The following CAMTA1 variants were observed in gnomAD, a reference collection of about 807,000 sequenced individuals.
CAMTA1 encodes the protein calmodulin-binding transcription activator 1.
In CAMTA1, 27 loss-of-function variants were observed where a neutral mutation model predicts 170.9. The observed-to-expected ratio is 0.16, with a 90% CI of 0.12 to 0.22. The LOEUF is 0.22. Ranked by LOEUF, CAMTA1 falls within the 10% of genes least tolerant of loss-of-function variation. CAMTA1 has a pLI of 1.00. For synonymous variants in CAMTA1, 833 were observed against 891.5 expected, an observed-to-expected ratio of 0.93 and a Z score of 1.17; for missense variants, 1,619 against 2,217.2, an observed-to-expected ratio of 0.73 and a Z score of 5.42.
intron 4 of CAMTA1, among the ~76,000 whole-genome samples, chr1:7,215,934 T>G (rs1324060320): frequency 6.6e-6 from 1 of 152,164 alleles, no homozygotes; most frequent in African/African-American, 2.4e-5. Flanking sequence ...AATAGGTAAT[T>G]CAAGGAAAAA....
rs1673519765 is a variant in CAMTA1 at position 7,293,829 on chromosome 1, C to G, written c.438+44203C>G. 6.6e-6 allele frequency among the ~76,000 whole-genome samples: 1 copy of G among 152,254 alleles called. No individual in the cohort carries two copies. On this transcript the variant is annotated intron_variant, in intron 5 of 22. Transcript: ENST00000303635. This position sits in a 1 kb window ranked among gnomAD's most constrained non-coding sequence, Gnocchi z 4.1. ...GCTCTCCCGTGCCCCTCGCTTTTCT[C>G]TGAAAACTCGGCATGCCCCGGGGGG...
chr1:7,350,341 T>C (rs2084566678), intron 5 of CAMTA1, among the ~76,000 whole-genome samples: 1 of 152,184 alleles, frequency 6.6e-6, no homozygotes, highest in African/African-American at 2.4e-5. Flanking sequence ...CCTGCCCCTA[T>C]ACCCGCCAGG....
At chr1:6,861,044 A>G (rs1664492317) in intron 3 of CAMTA1, among the ~76,000 whole-genome samples, 1 of 149,386 alleles carries the variant, frequency 6.7e-6, no homozygotes, top group African/African-American at 2.5e-5. Context: ...AACTCACTGC[A>G]ACCTCCACCT....
Position 7,187,203 on chromosome 1 carries a change from C to T in CAMTA1, c.303-62288C>T, listed in dbSNP as rs535827014. 5.9e-5 allele frequency among the ~76,000 whole-genome samples: 9 copies of T among 152,202 alleles called. No homozygotes were observed. The East Asian group carries it at 7.7e-4, about 13-fold the overall frequency. ...CCAGGTTTGCAGAGAGGAATATGGG[C>T]TCAGGAAGCAGTCCCAGACTCAAGA... On this transcript the variant is annotated intron_variant, in intron 4 of 22. Coordinates refer to ENST00000303635, the MANE Select transcript of CAMTA1 (RefSeq NM_015215.4).
intron 5 of CAMTA1, among the ~76,000 whole-genome samples, chr1:7,329,882 G>A (rs115884915): frequency 8.5e-5 from 13 of 152,080 alleles, no homozygotes; most frequent in Admixed American, 5.2e-4. Flanking sequence ...ATGAAAATAC[G>A]CAACTGGCAA....
intron 6 of CAMTA1, among the ~76,000 whole-genome samples, chr1:7,485,952 G>A (rs1367350814): frequency 6.6e-6 from 1 of 152,238 alleles, no homozygotes; most frequent in African/African-American, 2.4e-5. Context: ...GTTGGTGTCT[G>A]ATCAGAGAGT....
intron 11 of CAMTA1, among the ~76,000 whole-genome samples, chr1:7,710,780 G>A (rs2149658135): frequency 6.6e-6 from 1 of 151,842 alleles, no homozygotes; most frequent in South Asian, 2.1e-4. Context: ...TCCCCAATAT[G>A]GCAGCAGCAA....
intron 3 of CAMTA1, among the ~76,000 whole-genome samples, chr1:6,933,315 A>G (rs554435186): frequency 7.2e-5 from 11 of 152,066 alleles, no homozygotes; most frequent in African/African-American, 2.7e-4. Flanking sequence ...TCTGGAGTAT[A>G]GTGGCATGAT....
At chr1:7,726,154 G>A (rs1558228751) in intron 11 of CAMTA1, among the ~76,000 whole-genome samples, 1 of 152,226 alleles carries the variant, frequency 6.6e-6, no homozygotes, top group African/African-American at 2.4e-5. Context: ...TTAAGAGTTG[G>A]GGAACCTCAG....
chr1:7,366,374 C>A (rs1430144373), intron 5 of CAMTA1, among the ~76,000 whole-genome samples: 1 of 152,192 alleles, frequency 6.6e-6, no homozygotes, highest in Non-Finnish European at 1.5e-5. Flanking sequence ...GAGGTGACCC[C>A]CTTCTCTCCA....
intron 6 of CAMTA1, among the ~76,000 whole-genome samples, chr1:7,536,636 C>T (rs1557878786): frequency 1.3e-5 from 2 of 152,244 alleles, no homozygotes; most frequent in South Asian, 4.1e-4. Flanking sequence ...GGGGCTGGGA[C>T]ACCGGCCCCT....
intron 11 of CAMTA1, among the ~76,000 whole-genome samples, chr1:7,713,682 T>C (rs1397264391): frequency 6.6e-6 from 1 of 152,228 alleles, no homozygotes; most frequent in East Asian, 1.9e-4. Flanking sequence ...CTTCAGCAGA[T>C]AGACCATCCT....
intron 3 of CAMTA1, among the ~76,000 whole-genome samples, chr1:6,975,811 C>T (rs541916839): frequency 6.6e-6 from 1 of 152,310 alleles, no homozygotes; most frequent in East Asian, 1.9e-4. Context: ...CCCCAAGCCC[C>T]CAACTTCCTC....
At chr1:7,057,342 C>T (rs745412783) in intron 3 of CAMTA1, among the ~76,000 whole-genome samples, 6 of 152,170 alleles carry the variant, frequency 3.9e-5, no homozygotes, top group Non-Finnish European at 5.9e-5. Flanking sequence ...GCACCTGCGT[C>T]GCAGCCAGAA....
At chr1:7,431,999 C>G (rs751650220) in intron 5 of CAMTA1, among the ~76,000 whole-genome samples, 1 of 152,184 alleles carries the variant, frequency 6.6e-6, no homozygotes, top group African/African-American at 2.4e-5. Context: ...AACCTGGGCC[C>G]TGAGCCAGGC....
Position 6,965,802 on chromosome 1 carries a change from C to G in CAMTA1, c.235-125502C>G, listed in dbSNP as rs1691421657. ...CGCCGTGATGAGGTCTGGATGGAGC[C>G]TGAATGCGGCATTAACTGCATATCA... On this transcript the variant is annotated intron_variant, in intron 3 of 22. Transcript: ENST00000303635. The surrounding 1 kb of genome is among the most constrained non-coding windows in gnomAD (Gnocchi z 4.1). 6.6e-6 allele frequency among the ~76,000 whole-genome samples: 1 copy of G among 152,162 alleles called. No individual in the cohort carries two copies. The highest frequency in any genetic ancestry group is 2.1e-4 in the South Asian group (1 of 4,826).
intron 4 of CAMTA1, among the ~76,000 whole-genome samples, chr1:7,094,637 G>T (rs1641854277): frequency 6.6e-6 from 1 of 152,040 alleles, no homozygotes; most frequent in Admixed American, 6.5e-5. Context: ...CTCAGATACT[G>T]CCCTAATTAC....
chr1:7,152,646 G>A (rs1197992315), intron 4 of CAMTA1, among the ~76,000 whole-genome samples: 3 of 152,194 alleles, frequency 2.0e-5, no homozygotes, highest in East Asian at 1.9e-4. Flanking sequence ...CGCATTGCTC[G>A]ATTTTGCTCA....
intron 5 of CAMTA1, among the ~76,000 whole-genome samples, chr1:7,363,819 G>T (rs1371415288): frequency 6.6e-6 from 1 of 152,146 alleles, no homozygotes; most frequent in East Asian, 1.9e-4. Context: ...TCTCCAATAA[G>T]CATTTGTAGA....
Sources: allele counts gnomAD v4.1 joint callset (sites outside exome capture counted in the v4.1 genomes callset), GRCh38; gene constraint gnomAD v4.1.1; non-coding constraint Gnocchi (gnomAD v3.1); transcripts MANE v1.5; gene names NCBI Gene and HGNC (gene_info 2026-07-23, HGNC 2026-07-21).